The following HS3ST5 variants were observed in gnomAD, a reference collection of about 807,000 sequenced individuals.
HS3ST5 encodes heparan sulfate glucosamine 3-O-sulfotransferase 5.
HS3ST5 carries 10 observed loss-of-function variants against 25.4 expected under a neutral mutation model. That is an observed-to-expected ratio of 0.39 (90% CI 0.24 to 0.67). The LOEUF (loss-of-function observed/expected upper bound fraction) is 0.67. HS3ST5 is among the 30% of genes least tolerant of loss of function. The pLI is 0.44. For missense variants in HS3ST5, 324 were observed against 420.7 expected (o/e 0.77, Z 2.01); for synonymous variants, 170 against 162.4 (o/e 1.05, Z -0.36).
At chr6:114,174,983 C>G (rs761845119) in intron 2 of HS3ST5, among the ~76,000 whole-genome samples, 1 of 151,826 alleles carries the variant, frequency 6.6e-6, no homozygotes, top group Non-Finnish European at 1.5e-5. Flanking sequence ...CAGAGCGAGA[C>G]TGTCAAAAAA....
intron 1 of HS3ST5, among the ~76,000 whole-genome samples, chr6:114,277,453 T>G (rs1773911547): frequency 6.9e-6 from 1 of 145,556 alleles, no homozygotes; most frequent in African/African-American, 2.5e-5. Context: ...CCGCAATTAC[T>G]TTTGCACCAA....
intron 1 of HS3ST5, among the ~76,000 whole-genome samples, chr6:114,311,228 T>G (rs9488369): frequency 2.2e-4 from 34 of 152,038 alleles, no homozygotes; most frequent in African/African-American, 8.0e-4. Context: ...TAAAATCTGA[T>G]GCTATTCGAC....
intron 3 of HS3ST5, among the ~76,000 whole-genome samples, chr6:114,158,976 C>A (rs752983185): frequency 1.3e-5 from 2 of 152,140 alleles, no homozygotes; most frequent in Non-Finnish European, 2.9e-5. Context: ...TAGTAGAAAA[C>A]CAAATAGCAG....
At chr6:114,196,183 G>C (rs1780743565) in intron 2 of HS3ST5, among the ~76,000 whole-genome samples, 1 of 152,040 alleles carries the variant, frequency 6.6e-6, no homozygotes, top group Non-Finnish European at 1.5e-5. Context: ...AATTCTCTTG[G>C]TTGTGAGATG....
intron 1 of HS3ST5, among the ~76,000 whole-genome samples, chr6:114,260,168 A>G (rs1773105338): frequency 6.8e-6 from 1 of 147,498 alleles, no homozygotes; most frequent in Admixed American, 6.8e-5. Context: ...CTTATTGAAT[A>G]AAAACTGCAA....
intron 3 of HS3ST5, among the ~76,000 whole-genome samples, chr6:114,149,824 G>A (rs1582655169): frequency 6.6e-6 from 1 of 152,256 alleles, no homozygotes. Flanking sequence ...GGAAAAAAGT[G>A]TAATACACAT....
At chr6:114,145,009 C>T (rs1484829888) in intron 3 of HS3ST5, among the ~76,000 whole-genome samples, 6 of 152,200 alleles carry the variant, frequency 3.9e-5, no homozygotes, top group Non-Finnish European at 8.8e-5. Flanking sequence ...TCAGCTGATG[C>T]TCACGGAAAT....
chr6:114,122,620 G>A (rs1289013067), intron 3 of HS3ST5, among the ~76,000 whole-genome samples: 1 of 152,196 alleles, frequency 6.6e-6, no homozygotes, highest in African/African-American at 2.4e-5. Flanking sequence ...AAGATTGGAA[G>A]AGAATAATTC....
chr6:114,193,823 G>T (rs780966736), intron 2 of HS3ST5, among the ~76,000 whole-genome samples: 22 of 152,080 alleles, frequency 1.4e-4, no homozygotes, highest in Non-Finnish European at 3.1e-4. Context: ...TTAGATTATG[G>T]TTATACATTC....
chr6:114,111,273 A>G (rs1020933838), intron 3 of HS3ST5, among the ~76,000 whole-genome samples: 10 of 152,346 alleles, frequency 6.6e-5, no homozygotes, highest in African/African-American at 2.4e-4. Context: ...TTCAATGAAC[A>G]GTGCAATGAG....
chr6:114,157,708 A>G (rs1241541462), intron 3 of HS3ST5, among the ~76,000 whole-genome samples: 1 of 152,182 alleles, frequency 6.6e-6, no homozygotes, highest in Non-Finnish European at 1.5e-5. Flanking sequence ...TTATTTGCCA[A>G]TCATACTTTA....
chr6:114,161,574 T>TATATATAA lies in HS3ST5; in HGVS notation c.-33+6776_-33+6777insTTATATAT, dbSNP rs1396381241. On this transcript the variant is annotated intron_variant, in intron 3 of 4. Coordinates refer to ENST00000312719, the MANE Select transcript of HS3ST5 (RefSeq NM_153612.4). ...ATATATATATATATATATATATATA[T>TATATATAA]AAAATGCAATGGCGTGTATGTGTGT... Among the ~76,000 whole-genome samples the TATATATAA allele has an allele frequency of 2.0e-4, 20 of 102,408 alleles. 1 individual carries two copies. The highest frequency in any genetic ancestry group is 3.4e-4 in the Non-Finnish European group (17 of 50,248). The allele number at this position is 102,408 out of a possible 152,430, so 67.2% of individuals were successfully genotyped here.
At chr6:114,127,897 CAT>C (rs953017840) in intron 3 of HS3ST5, among the ~76,000 whole-genome samples, 3 of 149,106 alleles carry the variant, frequency 2.0e-5, no homozygotes, top group African/African-American at 4.9e-5. Flanking sequence ...GAGAGAGAGA[CAT>C]ATGTATAGAG....
chr6:114,299,286 A>G (rs1183489835), intron 1 of HS3ST5, among the ~76,000 whole-genome samples: 1 of 152,176 alleles, frequency 6.6e-6, no homozygotes, highest in Non-Finnish European at 1.5e-5. Context: ...AATTTTGGTC[A>G]GACCGGTTGC....
intron 3 of HS3ST5, among the ~76,000 whole-genome samples, chr6:114,159,349 C>T (rs1582664444): frequency 6.6e-6 from 1 of 152,168 alleles, no homozygotes; most frequent in East Asian, 1.9e-4. Flanking sequence ...CAGTGATCAT[C>T]AATAGTAGGC....
intron 3 of HS3ST5, among the ~76,000 whole-genome samples, chr6:114,085,933 T>TC (rs1774779424): frequency 2.8e-5 from 2 of 71,030 alleles, no homozygotes; most frequent in Admixed American, 1.4e-4. Context: ...ATAAATTCAT[T>TC]GCCCCCCCCC....
intron 4 of HS3ST5, among the ~76,000 whole-genome samples, chr6:114,060,343 G>T (rs187590729): frequency 6.6e-6 from 1 of 152,042 alleles, no homozygotes; most frequent in Non-Finnish European, 1.5e-5. Flanking sequence ...GATTTAACCC[G>T]GTTAATAGTT....
At chr6:114,175,385 A>G (rs1442877030) in intron 2 of HS3ST5, among the ~76,000 whole-genome samples, 1 of 152,238 alleles carries the variant, frequency 6.6e-6, no homozygotes, top group Non-Finnish European at 1.5e-5. Flanking sequence ...GCAGCTGTAG[A>G]TAACTAAATT....
intron 3 of HS3ST5, among the ~76,000 whole-genome samples, chr6:114,106,004 C>T (rs771274679): frequency 1.2e-4 from 19 of 152,072 alleles, no homozygotes; most frequent in Non-Finnish European, 1.8e-4. Context: ...ATGTTGTTTT[C>T]GATTTGGGCT....
Sources: gnomAD v4.1 joint callset for allele counts (sites outside exome capture counted in the v4.1 genomes callset) on GRCh38, gnomAD v4.1.1 for gene constraint, MANE v1.5 for transcripts, NCBI Gene and HGNC (gene_info 2026-07-23, HGNC 2026-07-21) for gene names.